The following GRM8 variants were observed in gnomAD, a reference collection of about 807,000 sequenced individuals.
GRM8 encodes metabotropic glutamate receptor 8.
GRM8 carries 47 observed loss-of-function variants against 87.2 expected under a neutral mutation model. That is an observed-to-expected ratio of 0.54 (90% CI 0.43 to 0.69). GRM8 has a LOEUF of 0.69. GRM8 is among the 30% of genes least tolerant of loss of function. The pLI is 0.00. For missense variants in GRM8, 1,019 were observed against 1,139.2 expected (o/e 0.89, Z 1.52); for synonymous variants, 396 against 404.5 (o/e 0.98, Z 0.25).
At chr7:126,731,236 G>T in intron 7 of GRM8, among the ~76,000 whole-genome samples, 1 of 152,014 alleles carries the variant, frequency 6.6e-6, no homozygotes, top group East Asian at 1.9e-4. Context: ...TATTCACTCT[G>T]ATACCCTGGC....
At chr7:126,486,446 A>G (rs1209552512) in intron 9 of GRM8, among the ~76,000 whole-genome samples, 2 of 151,982 alleles carry the variant, frequency 1.3e-5, no homozygotes, top group Non-Finnish European at 2.9e-5. Flanking sequence ...TTGTCAGCAT[A>G]TATCCCTGTT....
chr7:126,489,215 C>T (rs9886130), intron 9 of GRM8, among the ~76,000 whole-genome samples: 4,891 of 151,694 alleles, frequency 0.032, 254 homozygotes, highest in African/African-American at 0.11. Flanking sequence ...ATTTAAATGA[C>T]GTATTTTATG....
chr7:126,737,540 TA>T (rs1814374721), intron 7 of GRM8, among the ~76,000 whole-genome samples: 1 of 152,044 alleles, frequency 6.6e-6, no homozygotes, highest in Non-Finnish European at 1.5e-5. Context: ...CCCGTCTTGA[TA>T]AATCGGCTCT....
At chr7:126,921,267 T>C (rs902838549) in intron 3 of GRM8, among the ~76,000 whole-genome samples, 8 of 152,184 alleles carry the variant, frequency 5.3e-5, no homozygotes, top group African/African-American at 1.9e-4. Flanking sequence ...AAGGAGATGA[T>C]AGAAATATCT....
chr7:126,455,900 A>C lies in GRM8; in HGVS notation c.2431-9528T>G, dbSNP rs1184455686. 3.3e-5 allele frequency among the ~76,000 whole-genome samples: 5 copies of C among 151,720 alleles called. No homozygotes were observed. In the East Asian group the frequency reaches 7.8e-4, roughly 24 times the overall value. On this transcript the variant is annotated intron_variant, in intron 9 of 10. Transcript: ENST00000339582. ...CTTAAGGAGAATCAAGACACCTTAC[A>C]AAGAGAATAATATAAACATACAAAA... is the stretch of plus-strand genomic sequence containing the variant.
intron 6 of GRM8, among the ~76,000 whole-genome samples, chr7:126,837,593 G>C (rs1486580402): frequency 2.6e-5 from 4 of 152,182 alleles, no homozygotes; most frequent in Non-Finnish European, 4.4e-5. Context: ...CCAATGACAA[G>C]GTGAGGAGAT....
intron 9 of GRM8, among the ~76,000 whole-genome samples, chr7:126,528,604 A>G (rs544441392): frequency 2.4e-4 from 31 of 131,668 alleles, no homozygotes; most frequent in African/African-American, 8.6e-4. Flanking sequence ...CCATACAGAG[A>G]CAAAAGAAGT....
At chr7:126,649,053 C>A (rs1338531292) in intron 7 of GRM8, among the ~76,000 whole-genome samples, 4 of 152,200 alleles carry the variant, frequency 2.6e-5, no homozygotes, top group African/African-American at 4.8e-5. Context: ...ATCACACTAT[C>A]TTAATCTATG....
intron 6 of GRM8, among the ~76,000 whole-genome samples, chr7:126,824,392 A>C (rs1353047564): frequency 6.6e-6 from 1 of 152,206 alleles, no homozygotes. Flanking sequence ...CAATAAATAA[A>C]ATGTACTGTG....
Position 127,243,271 on chromosome 7 carries a change from A to C in GRM8, c.-67T>G. The stretch of plus-strand genomic sequence containing the variant: ...TTCTTGCCACAGAAGAAAGGGCACC[A>C]CCTGAGGCTGCACCTTCTGGAGGCT... On this transcript the variant is annotated 5_prime_UTR_variant, in exon 2 of 11. Coordinates refer to ENST00000339582, the MANE Select transcript of GRM8 (RefSeq NM_000845.3). 7.0e-7 allele frequency: 1 copy of C among 1,428,428 alleles called. No individual in the cohort carries two copies. Among genetic ancestry groups the C allele is most frequent in the Non-Finnish European group, 9.5e-7 (1 of 1,049,856 alleles). The allele number at this position is 1,428,428 out of a possible 1,614,324, so 88.5% of individuals were successfully genotyped here. A position where few individuals can be genotyped will look rare whatever the true frequency, so the allele number is the denominator to read the frequency against.
chr7:126,477,035 T>C (rs1805993718), intron 9 of GRM8, among the ~76,000 whole-genome samples: 1 of 152,192 alleles, frequency 6.6e-6, no homozygotes, highest in Non-Finnish European at 1.5e-5. Flanking sequence ...TATATTCAAT[T>C]CTTTAATAGA....
chr7:126,644,943 A>C (rs983834042), intron 7 of GRM8, among the ~76,000 whole-genome samples: 3 of 152,242 alleles, frequency 2.0e-5, no homozygotes, highest in Non-Finnish European at 4.4e-5. Context: ...TGCCTTTGCA[A>C]AATCATGATA....
rs139992926 is a variant in GRM8 at position 126,869,356 on chromosome 7, T to C, written c.1156+33186A>G. On this transcript the variant is annotated intron_variant, in intron 6 of 10. Coordinates refer to ENST00000339582, the MANE Select transcript of GRM8 (RefSeq NM_000845.3). ...TATTTTGCCCTCCTCCCATGATATA[T>C]TGACTTATTTCCATGAATCATGATT... is the stretch of plus-strand genomic sequence containing the variant. 2.1e-3 allele frequency: 320 copies of C among 152,342 alleles called. 1 individual carries two copies. Among genetic ancestry groups the C allele is most frequent in the African/African-American group, 7.4e-3 (306 of 41,578 alleles). 9.4% of individuals were successfully genotyped at this position (152,342 alleles called of 1,614,324 possible). A position where few individuals can be genotyped will look rare whatever the true frequency, so the allele number is the denominator to read the frequency against.
chr7:126,674,895 A>T lies in GRM8; in HGVS notation c.1358-65397T>A, dbSNP rs145026328. ...GAGCTAAAGTACATAGACATGCCAT[A>T]AATGTAGGAATGGATATGGGCCAAA... is the stretch of plus-strand genomic sequence containing the variant. On this transcript the variant is annotated intron_variant, in intron 7 of 10. Coordinates refer to ENST00000339582, the MANE Select transcript of GRM8 (RefSeq NM_000845.3). Among the ~76,000 whole-genome samples, 190 of 152,320 alleles carry T rather than the reference A, an allele frequency of 1.2e-3. 1 individual carries two copies. The highest frequency in any genetic ancestry group is 4.4e-3 in the African/African-American group (181 of 41,574).
rs539402900 is a variant in GRM8 at position 126,895,422 on chromosome 7, A to ACT, written c.1156+7118_1156+7119dup. Among the ~76,000 whole-genome samples the ACT allele has an allele frequency of 7.2e-5, 11 of 152,208 alleles. No homozygotes were observed. The South Asian group carries it at 2.3e-3, about 32-fold the overall frequency. On this transcript the variant is annotated intron_variant, in intron 6 of 10. Transcript: ENST00000339582. The stretch of plus-strand genomic sequence containing the variant: ...CTCACCAGGATCCATGTCACCTGGA[A>ACT]CTCATCAGAAATGCAGAATGCCTAC...
chr7:127,142,792 G>T (rs1828348606), intron 2 of GRM8, among the ~76,000 whole-genome samples: 1 of 152,122 alleles, frequency 6.6e-6, no homozygotes, highest in Non-Finnish European at 1.5e-5. Flanking sequence ...CATTTACCAT[G>T]TGCCAAGTAC....
intron 7 of GRM8, among the ~76,000 whole-genome samples, chr7:126,704,289 A>G (rs1443084662): frequency 1.3e-5 from 2 of 152,160 alleles, no homozygotes; most frequent in Non-Finnish European, 2.9e-5. Flanking sequence ...CACTTCCCCA[A>G]TCAATATCCT....
intron 6 of GRM8, among the ~76,000 whole-genome samples, chr7:126,797,292 G>A (rs545754243): frequency 1.2e-4 from 19 of 152,156 alleles, no homozygotes; most frequent in African/African-American, 4.6e-4. Context: ...TCTGTGTTGT[G>A]AATAGCATTA....
intron 9 of GRM8, among the ~76,000 whole-genome samples, chr7:126,530,806 T>A (rs1346424186): frequency 6.6e-6 from 1 of 152,158 alleles, no homozygotes; most frequent in Non-Finnish European, 1.5e-5. Flanking sequence ...TTCTCAAGCA[T>A]TTATTTATTT....
Sources: gnomAD v4.1 joint callset for allele counts (sites outside exome capture counted in the v4.1 genomes callset) on GRCh38, gnomAD v4.1.1 for gene constraint, MANE v1.5 for transcripts, NCBI Gene and HGNC (gene_info 2026-07-23, HGNC 2026-07-21) for gene names.